Variants in ASNS observed in about 807,000 individuals in gnomAD.
ASNS encodes asparagine synthetase (glutamine-hydrolyzing), also known as asparagine synthetase [glutamine-hydrolyzing].
In ASNS, 37 loss-of-function variants were observed where a neutral mutation model predicts 62.6. The ratio of observed to expected loss-of-function variants is 0.59; its 90% CI spans 0.45 to 0.78. The LOEUF is 0.78. ASNS is among the 30% of genes least tolerant of loss of function. ASNS has a pLI of 0.00. For missense variants in ASNS, 520 were observed against 682.4 expected, an observed-to-expected ratio of 0.76 and a Z score of 2.65; for synonymous variants, 207 against 237.9, an observed-to-expected ratio of 0.87 and a Z score of 1.19.
rs1166622225 is a variant in ASNS, at chr7:97,856,764, T to C, written c.956A>G (p.Glu319Gly). ...GACTTCATCCAGAGCCTGAATGCCT[T>C]CCTCAGAGTTAAAAAGGACTTCATA... ...EHYEVLFNSE[E>G]GIQALDEVIF... Residue 319 changes from glutamate (E) to glycine (G), a missense_variant, in exon 8 of 13, where the codon GAA (glutamate) becomes GGA (glycine). Physicochemically the swap from Glu to Gly is moderately conservative, Grantham distance 98. Coordinates refer to ENST00000394308, the MANE Select transcript of ASNS (RefSeq NM_001673.5). 6.2e-7 allele frequency: 1 copy of C among 1,613,288 alleles called. No homozygotes were observed. Among genetic ancestry groups the C allele is most frequent in the Admixed American group, 1.7e-5 (1 of 59,948 alleles).
At chr7:97,881,399 AC>A in the ASNS span, among the ~76,000 whole-genome samples, 2 of 151,428 alleles carry the variant, frequency 1.3e-5, no homozygotes, top group East Asian at 3.9e-4. Flanking sequence ...CCAAAAAATA[AC>A]CCTGTATCCA....
chr7:97,890,378 A>G, the ASNS span, among the ~76,000 whole-genome samples: 1 of 152,204 alleles, frequency 6.6e-6, no homozygotes, highest in Admixed American at 6.5e-5. Flanking sequence ...TCCAAGGCAC[A>G]TTATTGTAAA....
Position 97,869,175 on chromosome 7 carries a change from G to C in ASNS, c.-19C>G, listed in dbSNP as rs1792129430. On this transcript the variant is annotated 5_prime_UTR_variant, in exon 3 of 13. Coordinates refer to ENST00000394308, the MANE Select transcript of ASNS (RefSeq NM_001673.5). ...CACACATGGTGCAATGAAGCTATAAGCTTTCTATGGAGAGAAAAGCAGACA... is the reference window on the plus strand; with the variant it reads ...CACACATGGTGCAATGAAGCTATAACCTTTCTATGGAGAGAAAAGCAGACA... 6.2e-7 allele frequency: 1 copy of C among 1,608,624 alleles called. No individual in the cohort carries two copies. Among genetic ancestry groups the C allele is most frequent in the African/African-American group, 1.3e-5 (1 of 74,774 alleles).
At chr7:97,886,115 GT>G in the ASNS span, 2 of 384,542 alleles carry the variant, frequency 5.2e-6, no homozygotes, top group African/African-American at 4.2e-5. Context: ...GTGTTGTTTT[GT>G]TGTTGTTACT....
chr7:97,904,191 AC>A, the ASNS span, among the ~76,000 whole-genome samples: 1 of 152,078 alleles, frequency 6.6e-6, no homozygotes, highest in East Asian at 1.9e-4. Context: ...TATTTTATAA[AC>A]GAGTAAAAAT....
At chr7:97,926,980 C>T in the ASNS span, among the ~76,000 whole-genome samples, 1 of 151,530 alleles carries the variant, frequency 6.6e-6, no homozygotes, top group East Asian at 1.9e-4. Flanking sequence ...ATGATCACAG[C>T]TCACTGCAGC....
intron 6 of ASNS, 110 bp downstream of exon 6, chr7:97,858,744 A>G: frequency 9.6e-7 from 1 of 1,042,282 alleles, no homozygotes; most frequent in Non-Finnish European, 1.4e-6. Context: ...TAATGAAGGA[A>G]AGAGTAAATC....
the ASNS span, among the ~76,000 whole-genome samples, chr7:97,884,666 C>T: frequency 1.3e-5 from 2 of 152,142 alleles, no homozygotes; most frequent in African/African-American, 4.8e-5. Flanking sequence ...CATCCCACCC[C>T]CTAGGCCTCT....
At chr7:97,854,542 TTTTG>T (rs762360721) in intron 10 of ASNS, 34 bp downstream of exon 10, 20 of 1,588,622 alleles carry the variant, frequency 1.3e-5, no homozygotes, top group Non-Finnish European at 1.5e-5. Flanking sequence ...TTTGGTGTTT[TTTTG>T]TTTTTGTTTT....
the ASNS span, among the ~76,000 whole-genome samples, chr7:97,897,327 G>A: frequency 3.9e-5 from 6 of 152,242 alleles, no homozygotes; most frequent in South Asian, 2.1e-4. Context: ...AATACCATCC[G>A]GTACGTAGTG....
At chr7:97,868,083 A>G (rs1247315751) in intron 3 of ASNS, among the ~76,000 whole-genome samples, 5 of 152,174 alleles carry the variant, frequency 3.3e-5, no homozygotes, top group Non-Finnish European at 5.9e-5. Flanking sequence ...CAAGGTGGGC[A>G]GATTACCTGA....
At chr7:97,927,753 C>A in the ASNS span, among the ~76,000 whole-genome samples, 4 of 150,110 alleles carry the variant, frequency 2.7e-5, no homozygotes, top group African/African-American at 1.0e-4. Context: ...TGTCCTCCTT[C>A]TCCCGGGATC....
At chr7:97,890,138 T>C in the ASNS span, among the ~76,000 whole-genome samples, 1 of 151,980 alleles carries the variant, frequency 6.6e-6, no homozygotes, top group African/African-American at 2.4e-5. Flanking sequence ...ACTAGTCTTT[T>C]AAAATAATCC....
the ASNS span, among the ~76,000 whole-genome samples, chr7:97,896,739 CACATATATATATAT>C: frequency 5.4e-3 from 174 of 32,000 alleles, 4 homozygotes; most frequent in African/African-American, 0.011. Flanking sequence ...CACACACACA[CACATATATATATAT>C]ATATATATAT....
chr7:97,878,030 C>T, the ASNS span, among the ~76,000 whole-genome samples: 1 of 152,146 alleles, frequency 6.6e-6, no homozygotes, highest in Admixed American at 6.6e-5. Flanking sequence ...ATGAGAGCAG[C>T]CCACAGGTTG....
chr7:97,892,519 C>T, the ASNS span, among the ~76,000 whole-genome samples: 1 of 152,046 alleles, frequency 6.6e-6, no homozygotes, highest in South Asian at 2.1e-4. Context: ...TGCTCTGCTT[C>T]CCTTATAAAA....
the ASNS span, among the ~76,000 whole-genome samples, chr7:97,896,711 T>TACACACAC: frequency 1.6e-4 from 7 of 44,258 alleles, no homozygotes; most frequent in South Asian, 2.3e-3. Context: ...TGTATATATA[T>TACACACAC]ACACACACAC....
At chr7:97,887,327 A>C in the ASNS span, among the ~76,000 whole-genome samples, 1 of 152,202 alleles carries the variant, frequency 6.6e-6, no homozygotes, top group African/African-American at 2.4e-5. Context: ...GCACAAGTGC[A>C]TTCAACCAAT....
At chr7:97,887,232 T>G in the ASNS span, among the ~76,000 whole-genome samples, 1 of 152,204 alleles carries the variant, frequency 6.6e-6, no homozygotes. Context: ...CACAATTACA[T>G]GCAGACCTGC....
Sources: allele counts gnomAD v4.1 joint callset (sites outside exome capture counted in the v4.1 genomes callset), GRCh38; gene constraint gnomAD v4.1.1; transcripts MANE v1.5; gene names NCBI Gene and HGNC (gene_info 2026-07-23, HGNC 2026-07-21).